Variants in SPEF2 observed in about 807,000 individuals in gnomAD.
SPEF2 encodes the protein sperm flagella and cilia-associated protein 2.
A neutral mutation model predicts 224.6 loss-of-function variants in SPEF2; 187 were observed. That is an observed-to-expected ratio of 0.83 (90% CI 0.74 to 0.94). SPEF2 has a LOEUF of 0.94. SPEF2 is among the 40% of genes least tolerant of loss of function. The pLI is 0.00. For missense variants in SPEF2, 2,170 were observed against 2,135.6 expected (o/e 1.02, Z -0.32); for synonymous variants, 715 against 707.3 (o/e 1.01, Z -0.17).
At chr5:35,695,429 A>G (rs1293050217) in intron 13 of SPEF2, among the ~76,000 whole-genome samples, 2 of 152,050 alleles carry the variant, frequency 1.3e-5, no homozygotes, top group African/African-American at 4.8e-5. Context: ...TGAAAAGCGA[A>G]CCCCGACTGT....
intron 34 of SPEF2, 29 bp downstream of exon 34, chr5:35,800,176 A>G (rs374200262): frequency 6.2e-6 from 10 of 1,612,330 alleles, no homozygotes; most frequent in Admixed American, 1.7e-5. Context: ...TAGACTAACT[A>G]TAGAGTCTAG....
intron 5 of SPEF2, among the ~76,000 whole-genome samples, chr5:35,647,349 G>T (rs1747528836): frequency 6.6e-6 from 1 of 151,906 alleles, no homozygotes; most frequent in Non-Finnish European, 1.5e-5. Flanking sequence ...GAGAGAGAGA[G>T]AGAGAAGGTG....
chr5:35,711,442 C>G (rs1481623795), intron 19 of SPEF2, among the ~76,000 whole-genome samples: 2 of 152,066 alleles, frequency 1.3e-5, no homozygotes, highest in Non-Finnish European at 2.9e-5. Context: ...TTGAAAAACT[C>G]CATAGTTATG....
At chr5:35,698,026 G>C (rs1329454096) in intron 15 of SPEF2, 1 of 325,520 alleles carries the variant, frequency 3.1e-6, no homozygotes, top group Non-Finnish European at 5.6e-6. Flanking sequence ...ATAAAGTCAG[G>C]TTCTATTACC....
chr5:35,655,203 A>C (rs1010903488), intron 7 of SPEF2, among the ~76,000 whole-genome samples: 1 of 152,170 alleles, frequency 6.6e-6, no homozygotes, highest in African/African-American at 2.4e-5. Flanking sequence ...TGGGACTTTT[A>C]GGAATACAGA....
chr5:35,652,573 A>T (rs1748359333), intron 6 of SPEF2, among the ~76,000 whole-genome samples: 1 of 152,134 alleles, frequency 6.6e-6, no homozygotes, highest in East Asian at 1.9e-4. Context: ...TTGGAACTTT[A>T]GTTTGATTTT....
Position 35,779,223 on chromosome 5 carries a change from A to G in SPEF2, c.4324A>G (p.Lys1442Glu). 1 of 1,613,872 alleles carries G rather than the reference A, an allele frequency of 6.2e-7. No individual in the cohort carries two copies. The highest frequency in any genetic ancestry group is 8.5e-7 in the Non-Finnish European group (1 of 1,179,812). ...QEDFFINGNI[K>E]VFPDPPPSIR... ...AGACTTCTTCATTAATGGCAATATA[A>G]AAGTCTTCCCAGATCCTCCCCCATC... The change falls in exon 30 of 37, where the codon AAA becomes GAA. Residue 1442 changes from lysine (K) to glutamate (E), a missense_variant. Transcript: ENST00000356031.
Position 35,795,691 on chromosome 5 carries a change from T to G in SPEF2, c.4738-12T>G. ...CATACTTTAACAATTTTCATTTTTA[T>G]TTTTTATGTAGGCTGGTCTGTGGTT... On this transcript the variant is annotated splice_polypyrimidine_tract_variant and intron_variant, in intron 32 of 36. Transcript: ENST00000356031. 3 of 1,605,722 alleles carry G rather than the reference T, an allele frequency of 1.9e-6. No individual in the cohort carries two copies. Among genetic ancestry groups the G allele is most frequent in the Non-Finnish European group, 2.5e-6 (3 of 1,177,014 alleles).
chr5:35,747,344 C>T (rs1748700694), intron 23 of SPEF2, among the ~76,000 whole-genome samples: 1 of 152,186 alleles, frequency 6.6e-6, no homozygotes, highest in Non-Finnish European at 1.5e-5. Flanking sequence ...CATTTCAATA[C>T]TAACATTGAA....
chr5:35,774,194 G>C (rs1421960883), intron 28 of SPEF2, among the ~76,000 whole-genome samples, 173 bp downstream of exon 28: 1 of 152,190 alleles, frequency 6.6e-6, no homozygotes, highest in Non-Finnish European at 1.5e-5. Flanking sequence ...GTGAGGACTA[G>C]ATTTGAGTGT....
intron 1 of SPEF2, among the ~76,000 whole-genome samples, chr5:35,626,597 T>C (rs1744293727): frequency 6.6e-6 from 1 of 152,218 alleles, no homozygotes; most frequent in South Asian, 2.1e-4. Flanking sequence ...ATTTTTTCTA[T>C]TGCATATAAA....
In SPEF2 at chr5:35,670,426, G is replaced by T. The variant is rs1280860475; in HGVS notation, c.1524+199G>T. On this transcript the variant is annotated intron_variant, in intron 10 of 36. Transcript: ENST00000356031. ...CATAAGCTATTATCTATTGTTCCTA[G>T]TAATCTTAGGGGAGTGGTCTGAAAA... is the stretch of plus-strand genomic sequence containing the variant. 4.9e-6 allele frequency: 6 copies of T among 1,232,122 alleles called. No individual in the cohort carries two copies. The African/African-American group carries it at 9.4e-5, about 19-fold the overall frequency. The allele number at this position is 1,232,122 out of a possible 1,614,324, so 76.3% of individuals were successfully genotyped here.
At chr5:35,687,126 T>C in intron 10 of SPEF2, among the ~76,000 whole-genome samples, 1 of 152,166 alleles carries the variant, frequency 6.6e-6, no homozygotes, top group South Asian at 2.1e-4. Context: ...CGTTCATTCT[T>C]CTGGTGTCAA....
At chr5:35,676,104 G>A in intron 10 of SPEF2, 2 of 438,172 alleles carry the variant, frequency 4.6e-6, no homozygotes, top group South Asian at 3.3e-5. Flanking sequence ...AGATAGAAGT[G>A]GAATGGGATG....
chr5:35,682,344 G>T (rs1236444648), intron 10 of SPEF2, among the ~76,000 whole-genome samples: 1 of 148,338 alleles, frequency 6.7e-6, no homozygotes, highest in Non-Finnish European at 1.5e-5. Flanking sequence ...TCAAATATAG[G>T]TTTAAAAAAA....
chr5:35,700,222 A>G, intron 15 of SPEF2: 1 of 400,450 alleles, frequency 2.5e-6, no homozygotes, highest in Non-Finnish European at 4.5e-6. Context: ...TATCAGCAGC[A>G]TGGAAAGGGA....
intron 1 of SPEF2, among the ~76,000 whole-genome samples, 155 bp downstream of exon 1, chr5:35,618,210 G>C (rs556143631): frequency 3.3e-5 from 5 of 152,170 alleles, no homozygotes; most frequent in Non-Finnish European, 5.9e-5. Flanking sequence ...TGAGCAACTC[G>C]GCTCGGCGGT....
intron 30 of SPEF2, chr5:35,788,964 A>G (rs1444751298): frequency 1.4e-6 from 1 of 703,124 alleles, no homozygotes; most frequent in Non-Finnish European, 2.6e-6. Flanking sequence ...AAGTGGCTTC[A>G]TGGATTACAG....
chr5:35,732,614 A>G (rs975626387), intron 21 of SPEF2, among the ~76,000 whole-genome samples: 8 of 152,230 alleles, frequency 5.3e-5, no homozygotes, highest in African/African-American at 1.9e-4. Flanking sequence ...ATATGATGAT[A>G]AAACTGGGTT....
Sources: gnomAD v4.1 joint callset for allele counts (sites outside exome capture counted in the v4.1 genomes callset) on GRCh38, gnomAD v4.1.1 for gene constraint, MANE v1.5 for transcripts, NCBI Gene and HGNC (gene_info 2026-07-23, HGNC 2026-07-21) for gene names.